OPCML: variants seen among roughly 807,000 people sequenced by gnomAD.
OPCML encodes the protein opioid binding protein/cell adhesion molecule like.
In OPCML, 13 loss-of-function variants were observed where a neutral mutation model predicts 37.8. That is an observed-to-expected ratio of 0.34 (90% CI 0.22 to 0.55). The LOEUF (loss-of-function observed/expected upper bound fraction) is 0.55, where lower values mean the gene tolerates loss of function less well. Among genes scored for constraint, OPCML ranks in the 20% least tolerant of loss-of-function variants. OPCML has a pLI of 0.91. For synonymous variants in OPCML, 176 were observed against 168.8 expected, an observed-to-expected ratio of 1.04 and a Z score of -0.33; for missense variants, 341 against 435.6, an observed-to-expected ratio of 0.78 and a Z score of 1.93.
chr11:133,035,002 T>C (rs996562455), intron 1 of OPCML, among the ~76,000 whole-genome samples: 1 of 152,098 alleles, frequency 6.6e-6, no homozygotes, highest in Non-Finnish European at 1.5e-5. Context: ...TGGTCCCCTC[T>C]CCCCAGTCAG....
At chr11:132,631,273 T>C (rs1162538732) in intron 3 of OPCML, among the ~76,000 whole-genome samples, 2 of 150,826 alleles carry the variant, frequency 1.3e-5, no homozygotes, top group South Asian at 2.1e-4. Context: ...AATTGAACAC[T>C]TAAGATCTGT....
intron 2 of OPCML, among the ~76,000 whole-genome samples, chr11:132,872,327 T>C (rs921777847): frequency 3.0e-4 from 46 of 152,332 alleles, no homozygotes; most frequent in African/African-American, 9.4e-4. Flanking sequence ...AACGTGACTA[T>C]TTTCCAAGCA....
chr11:133,228,273 A>C (rs1363446629), intron 1 of OPCML, among the ~76,000 whole-genome samples: 41 of 152,156 alleles, frequency 2.7e-4, no homozygotes, highest in Non-Finnish European at 1.5e-5. Context: ...TAACATGAGG[A>C]GGTGAGCATA....
chr11:132,839,418 T>C (rs947771888), intron 2 of OPCML, among the ~76,000 whole-genome samples: 2 of 152,238 alleles, frequency 1.3e-5, no homozygotes, highest in Non-Finnish European at 2.9e-5. Context: ...AACTCGCGAC[T>C]CCTTCCCATA....
intron 4 of OPCML, among the ~76,000 whole-genome samples, chr11:132,456,300 A>C (rs537967956): frequency 1.7e-3 from 256 of 152,356 alleles, no homozygotes; most frequent in Middle Eastern, 3.4e-3. Context: ...AGTCAGAACA[A>C]AAGAAAAGAT....
At chr11:132,731,299 A>G (rs143664615) in intron 2 of OPCML, among the ~76,000 whole-genome samples, 4,535 of 152,312 alleles carry the variant, frequency 0.03, 196 homozygotes, top group Admixed American at 0.048. Flanking sequence ...AGGAATGAAT[A>G]TGGACCCAAA....
intron 3 of OPCML, among the ~76,000 whole-genome samples, chr11:132,592,622 G>T (rs777189605): frequency 1.3e-5 from 2 of 152,176 alleles, no homozygotes; most frequent in Non-Finnish European, 2.9e-5. Flanking sequence ...TGCAGTGCAG[G>T]ACCCTCCTTG....
intron 3 of OPCML, among the ~76,000 whole-genome samples, chr11:132,646,938 A>G (rs1020143249): frequency 6.6e-6 from 1 of 152,212 alleles, no homozygotes; most frequent in African/African-American, 2.4e-5. Flanking sequence ...AAAAAAAGTT[A>G]TAATTACTAA....
intron 1 of OPCML, among the ~76,000 whole-genome samples, chr11:133,392,923 G>T (rs1041826219): frequency 6.6e-6 from 1 of 152,162 alleles, no homozygotes; most frequent in East Asian, 1.9e-4. Flanking sequence ...GTGCAGACTG[G>T]TGAAAAATTT....
rs1230467165 is a variant in OPCML, at chr11:132,420,127, C to T, written c.*66G>A. The T allele has an allele frequency of 1.7e-5, 23 of 1,390,470 alleles. No homozygotes were observed. Among genetic ancestry groups the T allele is most frequent in the Admixed American group, 3.5e-5 (2 of 56,362 alleles). 86.1% of individuals were successfully genotyped at this position (1,390,470 alleles called of 1,614,324 possible). A position where few individuals can be genotyped will look rare whatever the true frequency, so the allele number is the denominator to read the frequency against. On this transcript the variant is annotated 3_prime_UTR_variant, in exon 8 of 8. Transcript: ENST00000524381. ...AAGAAGCCCAAGCTGGTTTGCTCTC[C>T]GCAGTGTAGATTAAAGTCTGTGATA...
At chr11:133,434,280 C>G (rs927397191) in intron 1 of OPCML, among the ~76,000 whole-genome samples, 2 of 152,092 alleles carry the variant, frequency 1.3e-5, no homozygotes, top group East Asian at 3.9e-4. Context: ...TGACATATTT[C>G]TAAGTCTTAC....
chr11:132,443,155 C>T (rs1162237749), intron 4 of OPCML, among the ~76,000 whole-genome samples: 1 of 152,168 alleles, frequency 6.6e-6, no homozygotes, highest in African/African-American at 2.4e-5. Context: ...CAGCATGTAC[C>T]AGACCAGCCA....
intron 2 of OPCML, among the ~76,000 whole-genome samples, chr11:132,813,016 TA>T (rs1263594628): frequency 6.6e-6 from 1 of 152,238 alleles, no homozygotes. Context: ...CTGTAAAACT[TA>T]TAAACTTTCA....
intron 3 of OPCML, among the ~76,000 whole-genome samples, chr11:132,635,079 C>A (rs1391698430): frequency 6.6e-6 from 1 of 152,150 alleles, no homozygotes; most frequent in Non-Finnish European, 1.5e-5. Context: ...GAGACGGTAA[C>A]ACTGCCCATG....
intron 1 of OPCML, among the ~76,000 whole-genome samples, chr11:133,458,998 A>G (rs1222587904): frequency 6.6e-6 from 1 of 152,006 alleles, no homozygotes; most frequent in Non-Finnish European, 1.5e-5. Flanking sequence ...TACTAGGTAA[A>G]AGCCAAAAGC....
chr11:132,898,253 C>T (rs1943921573), intron 2 of OPCML, among the ~76,000 whole-genome samples: 1 of 152,198 alleles, frequency 6.6e-6, no homozygotes, highest in Non-Finnish European at 1.5e-5. Flanking sequence ...TGGCTTCCAT[C>T]ATGGAAGAGG....
intron 4 of OPCML, among the ~76,000 whole-genome samples, chr11:132,455,472 G>A (rs1012440566): frequency 1.3e-5 from 2 of 152,182 alleles, no homozygotes; most frequent in African/African-American, 4.8e-5. Context: ...GTTCCCGTGG[G>A]CAAAGGTTAA....
At chr11:133,414,935 A>G (rs1945728084) in intron 1 of OPCML, among the ~76,000 whole-genome samples, 1 of 152,134 alleles carries the variant, frequency 6.6e-6, no homozygotes, top group Non-Finnish European at 1.5e-5. Context: ...TCAGAAGACA[A>G]AAAGAAAATG....
At chr11:132,547,844 T>A (rs1057147540) in intron 3 of OPCML, among the ~76,000 whole-genome samples, 1 of 152,082 alleles carries the variant, frequency 6.6e-6, no homozygotes, top group Admixed American at 6.6e-5. Context: ...CTGGTGACAG[T>A]GTCAAGCAGC....
Sources: gnomAD v4.1 joint callset for allele counts (sites outside exome capture counted in the v4.1 genomes callset) on GRCh38, gnomAD v4.1.1 for gene constraint, MANE v1.5 for transcripts, NCBI Gene and HGNC (gene_info 2026-07-23, HGNC 2026-07-21) for gene names.